Variants in SMC3 observed in about 807,000 individuals in gnomAD.
SMC3 encodes the protein structural maintenance of chromosomes 3.
In SMC3, 20 loss-of-function variants were observed where a neutral mutation model predicts 171.8. That is an observed-to-expected ratio of 0.12 (90% CI 0.08 to 0.17). The LOEUF (loss-of-function observed/expected upper bound fraction) is 0.17, where lower values mean the gene tolerates loss of function less well. SMC3 is among the 10% of genes least tolerant of loss of function. SMC3 has a pLI of 1.00. For missense variants in SMC3, 543 were observed against 1,420.4 expected (o/e 0.38, Z 9.93); for synonymous variants, 464 against 451.1 (o/e 1.03, Z -0.36).
chr10:110,599,520 AAATT>A (rs1358041666), intron 20 of SMC3, 130 bp from the exon 21 acceptor site: 4 of 739,686 alleles, frequency 5.4e-6, no homozygotes, highest in Admixed American at 2.9e-5. Context: ...CCTAATTACC[AAATT>A]AATAGGCACC....
chr10:110,598,073 C>A (rs1419088990), intron 19 of SMC3, 66 bp from the exon 20 acceptor site: 28 of 1,454,814 alleles, frequency 1.9e-5, no homozygotes, highest in Non-Finnish European at 2.5e-5. Flanking sequence ...GGTGTTGTGT[C>A]TAAAAAGAAT....
At position 110,601,725 on chromosome 10, in the gene SMC3, T is replaced by C; in HGVS notation, c.2733T>C (p.His911=). 2 of 1,613,440 alleles carry C rather than the reference T, an allele frequency of 1.2e-6. No homozygotes were observed. Among genetic ancestry groups the C allele is most frequent in the African/African-American group, 1.3e-5 (1 of 74,958 alleles). Residue 911 remains histidine (H), a synonymous_variant, in exon 24 of 29, where the codon CAT becomes CAC. Transcript: ENST00000361804. ...MERWKNMEKE[H]MDAINHDTKE... ...GCTGGAAAAATATGGAAAAAGAACA[T>C]ATGGATGCTATAAATCATGATACTA...
In SMC3 at chr10:110,599,642, A is replaced by G. The variant is rs1259564904; in HGVS notation, c.2269-12A>G. 2 of 1,611,208 alleles carry G rather than the reference A, an allele frequency of 1.2e-6. No individual in the cohort carries two copies. Among genetic ancestry groups the G allele is most frequent in the South Asian group, 1.1e-5 (1 of 90,876 alleles). On this transcript the variant is annotated splice_polypyrimidine_tract_variant and intron_variant, in intron 20 of 28. Transcript: ENST00000361804. ...GCTAATACCTTACTAATAAATGGAT[A>G]ATGTCATATAGCAACGTAGCTTACA...
At chr10:110,575,025 A>G (rs1321971409) in intron 3 of SMC3, among the ~76,000 whole-genome samples, 1 of 152,176 alleles carries the variant, frequency 6.6e-6, no homozygotes, top group Non-Finnish European at 1.5e-5. Flanking sequence ...TAATCCAGTC[A>G]GTGAACACTT....
chr10:110,582,554 T>C lies in SMC3; in HGVS notation c.724-8T>C. The C allele has an allele frequency of 6.2e-7, 1 of 1,607,842 alleles. No individual in the cohort carries two copies. The highest frequency in any genetic ancestry group is 8.5e-7 in the Non-Finnish European group (1 of 1,174,528). ...GAGTTAGATATGATAAGTTGTTTTTTTTCTTAGCTTTCTGCTAAGCGAGAG... is the reference window on the plus strand; with the variant it reads ...GAGTTAGATATGATAAGTTGTTTTTCTTCTTAGCTTTCTGCTAAGCGAGAG... On this transcript the variant is annotated splice_region_variant and splice_polypyrimidine_tract_variant and intron_variant, in intron 9 of 28. Coordinates refer to ENST00000361804, the MANE Select transcript of SMC3 (RefSeq NM_005445.4).
At chr10:110,579,985 T>C (rs977385807) in intron 7 of SMC3, among the ~76,000 whole-genome samples, 4 of 152,176 alleles carry the variant, frequency 2.6e-5, no homozygotes, top group African/African-American at 9.7e-5. Flanking sequence ...GCCTTCTGTA[T>C]CTGTAGGTTC....
In SMC3 at chr10:110,605,418, T is replaced by A. The variant is rs1861453310; in HGVS notation, c.*1116T>A. 6.6e-6 allele frequency among the ~76,000 whole-genome samples: 1 copy of A among 152,238 alleles called. No individual in the cohort carries two copies. The highest frequency in any genetic ancestry group is 1.5e-5 in the Non-Finnish European group (1 of 68,024). On this transcript the variant is annotated 3_prime_UTR_variant, in exon 29 of 29. Coordinates refer to ENST00000361804, the MANE Select transcript of SMC3 (RefSeq NM_005445.4). Reference sequence around the variant, plus strand: ...TTTCTTCCTTTTCAAATATTTACCTTTAATTTCTTTTTCTTGATTTCCCCT... The same window carrying A: ...TTTCTTCCTTTTCAAATATTTACCTATAATTTCTTTTTCTTGATTTCCCCT...
At chr10:110,568,129 C>T (rs1205194354) in intron 1 of SMC3, among the ~76,000 whole-genome samples, 1 of 152,022 alleles carries the variant, frequency 6.6e-6, no homozygotes, top group Non-Finnish European at 1.5e-5. Context: ...GGGACTGGGC[C>T]TTCCTGGGTG....
In SMC3 at chr10:110,567,742, G is replaced by C. The variant is rs1321226900; in HGVS notation, c.-75G>C. 1.9e-6 allele frequency: 3 copies of C among 1,574,916 alleles called. No homozygotes were observed. Among genetic ancestry groups the C allele is most frequent in the Admixed American group, 1.7e-5 (1 of 59,128 alleles). On this transcript the variant is annotated 5_prime_UTR_variant, in exon 1 of 29. Coordinates refer to ENST00000361804, the MANE Select transcript of SMC3 (RefSeq NM_005445.4). ...GCGCTTTGGGGGAGGGGTCGCGTAG[G>C]CGCCTCACCTGACCCTGCGGCCGTG...
chr10:110,591,673 A>G lies in SMC3; in HGVS notation c.1812+541A>G, dbSNP rs564736270. 7.2e-5 allele frequency among the ~76,000 whole-genome samples: 11 copies of G among 152,356 alleles called. No individual in the cohort carries two copies. In the South Asian group the frequency reaches 1.2e-3, roughly 17 times the overall value. ...GGATTAAAAATATTCTTCAGACACC[A>G]TTCTTAGAACAGTGTAATTGCTTTG... On this transcript the variant is annotated intron_variant, in intron 17 of 28. Transcript: ENST00000361804.
intron 11 of SMC3, 84 bp downstream of exon 11, chr10:110,583,632 G>A: frequency 4.8e-6 from 7 of 1,457,976 alleles, no homozygotes; most frequent in Non-Finnish European, 6.7e-6. Context: ...TGACTGGTGT[G>A]TGTTGGAATT....
chr10:110,604,115 A>C lies in SMC3; in HGVS notation c.3583-116A>C, dbSNP rs1316627737. Reference sequence around the variant, plus strand: ...ATCTCAAAAAAAAAAAAAAAAAAAAAAACTAAAAATTAAAAAATGTAGTTA... The same window carrying C: ...ATCTCAAAAAAAAAAAAAAAAAAAACAACTAAAAATTAAAAAATGTAGTTA... On this transcript the variant is annotated intron_variant, in intron 28 of 28. Transcript: ENST00000361804. 4 of 558,236 alleles carry C rather than the reference A, an allele frequency of 7.2e-6. No homozygotes were observed. In the East Asian group the frequency reaches 1.2e-4, roughly 16 times the overall value. 34.6% of individuals were successfully genotyped at this position (558,236 alleles called of 1,614,324 possible).
intron 7 of SMC3, among the ~76,000 whole-genome samples, chr10:110,579,181 T>G (rs938883760): frequency 1.3e-5 from 2 of 152,212 alleles, no homozygotes; most frequent in African/African-American, 4.8e-5. Flanking sequence ...TTTAGCTGAT[T>G]GTTCTGCTCT....
chr10:110,590,438 A>C lies in SMC3; in HGVS notation c.1536A>C (p.Ile512=). 6.2e-7 allele frequency: 1 copy of C among 1,614,040 alleles called. No individual in the cohort carries two copies. Among genetic ancestry groups the C allele is most frequent in the Non-Finnish European group, 8.5e-7 (1 of 1,179,912 alleles). The change falls in exon 16 of 29, where the codon ATA becomes ATC. Residue 512 remains isoleucine (I), a synonymous_variant. Transcript: ENST00000361804. Reference sequence around the variant, plus strand: ...CCATTTTAAATGGAATAGACAGCATAAACAAAGTGCTAGACCACTTCCGTC... The same window carrying C: ...CCATTTTAAATGGAATAGACAGCATCAACAAAGTGCTAGACCACTTCCGTC... ...GKAILNGIDS[I]NKVLDHFRRK... is the part of the protein sequence containing the mutation.
chr10:110,599,577 T>C lies in SMC3; in HGVS notation c.2269-77T>C, dbSNP rs1861355807. 7.5e-6 allele frequency: 10 copies of C among 1,333,342 alleles called. 2 individuals carry two copies. In the South Asian group the frequency reaches 1.1e-4, roughly 14 times the overall value. The allele number at this position is 1,333,342 out of a possible 1,614,324, so 82.6% of individuals were successfully genotyped here. On this transcript the variant is annotated intron_variant, in intron 20 of 28. Coordinates refer to ENST00000361804, the MANE Select transcript of SMC3 (RefSeq NM_005445.4). ...TGTCTATATATTTAGCTCAATCAAA[T>C]ATAGATTGTTTTAAAATTTTCACTA...
intron 3 of SMC3, 124 bp downstream of exon 3, chr10:110,573,869 G>T: frequency 1.4e-6 from 1 of 727,478 alleles, no homozygotes. Context: ...ATATGGGGTT[G>T]CAGCTTAGTG....
intron 12 of SMC3, 31 bp from the exon 13 acceptor site, chr10:110,584,152 T>G: frequency 1.3e-6 from 2 of 1,597,938 alleles, no homozygotes; most frequent in Non-Finnish European, 1.7e-6. Flanking sequence ...ATTATTCTCC[T>G]TTTCATCCCA....
rs532557333 is a variant in SMC3 at position 110,578,009 on chromosome 10, C to G, written c.350+95C>G. The stretch of plus-strand genomic sequence containing the variant: ...GCCAGGTTGGTCTCGAACTCTTGGC[C>G]TCAAATGATCCACCTCGGCTTCCTA... On this transcript the variant is annotated intron_variant, in intron 6 of 28. Transcript: ENST00000361804. 18 of 812,684 alleles carry G rather than the reference C, an allele frequency of 2.2e-5. No homozygotes were observed. The African/African-American group carries it at 2.7e-4, about 12-fold the overall frequency. The allele number at this position is 812,684 out of a possible 1,614,324, so 50.3% of individuals were successfully genotyped here. A position where few individuals can be genotyped will look rare whatever the true frequency, so the allele number is the denominator to read the frequency against.
At chr10:110,599,545 G>A (rs1180579270) in intron 20 of SMC3, 109 bp from the exon 21 acceptor site, 3 of 933,676 alleles carry the variant, frequency 3.2e-6, no homozygotes, top group Admixed American at 2.5e-5. Context: ...TAATATTTGA[G>A]TTGATATGTC....
Sources: allele counts gnomAD v4.1 joint callset (sites outside exome capture counted in the v4.1 genomes callset), GRCh38; gene constraint gnomAD v4.1.1; transcripts MANE v1.5; gene names NCBI Gene and HGNC (gene_info 2026-07-23, HGNC 2026-07-21).